EVA1C: variants seen among roughly 807,000 people sequenced by gnomAD.
EVA1C encodes the protein protein eva-1 homolog C.
In EVA1C, 25 loss-of-function variants were observed where a neutral mutation model predicts 45.4. The observed-to-expected ratio is 0.55, with a 90% confidence interval of 0.40 to 0.77. The LOEUF (loss-of-function observed/expected upper bound fraction) is 0.77, where lower values mean the gene tolerates loss of function less well. EVA1C is among the 30% of genes least tolerant of loss of function. EVA1C has a pLI of 0.00. For missense variants in EVA1C, 479 were observed against 554.8 expected (o/e 0.86, Z 1.37); for synonymous variants, 190 against 221.2 (o/e 0.86, Z 1.25).
In EVA1C at chr21:32,495,071, T is replaced by G. The variant is rs62214671; in HGVS notation, c.679T>G (p.Tyr227Asp). ...TTTGCAAGTCCTATCCCGAAGGTGC[T>G]ATGGGAAGCAGAGATGCAAAATCAT... ...SALQVLSRRC[Y>D]GKQRCKIIVN... The change falls in exon 5 of 8, where the codon TAT (tyrosine) becomes GAT (aspartate). Residue 227 changes from tyrosine to aspartate, a missense_variant. Physicochemically the swap from Tyr to Asp is radical, Grantham distance 160. Around this residue, in one of 3 missense-constraint regions of EVA1C, gnomAD observed 366 missense variants for 426.1 expected, o/e 0.86. Coordinates refer to ENST00000300255, the MANE Select transcript of EVA1C (RefSeq NM_058187.5). 20 of 1,614,084 alleles carry G rather than the reference T, an allele frequency of 1.2e-5. No individual in the cohort carries two copies. The highest frequency in any genetic ancestry group is 5.0e-5 in the Admixed American group (3 of 60,004).
chr21:32,494,656 G>A (rs1416725770), intron 4 of EVA1C, among the ~76,000 whole-genome samples: 3 of 152,078 alleles, frequency 2.0e-5, no homozygotes, highest in South Asian at 2.1e-4. Context: ...AGTGGCATGC[G>A]CCTGTAGTCC....
intron 4 of EVA1C, among the ~76,000 whole-genome samples, chr21:32,472,176 T>G (rs377708614): frequency 6.6e-6 from 1 of 152,168 alleles, no homozygotes; most frequent in Non-Finnish European, 1.5e-5. Context: ...TATTTATTTT[T>G]GAGACAGACT....
At chr21:32,427,468 A>G (rs891489577) in intron 1 of EVA1C, among the ~76,000 whole-genome samples, 2 of 151,966 alleles carry the variant, frequency 1.3e-5, no homozygotes, top group Non-Finnish European at 2.9e-5. Context: ...TAATCCCAGC[A>G]CTTTGGGAGG....
At chr21:32,505,541 T>G (rs895604856) in intron 7 of EVA1C, among the ~76,000 whole-genome samples, 1 of 152,220 alleles carries the variant, frequency 6.6e-6, no homozygotes, top group Non-Finnish European at 1.5e-5. Context: ...CCAACTACCT[T>G]GTCCGTTCCT....
chr21:32,479,114 C>A (rs1459505738), intron 4 of EVA1C, among the ~76,000 whole-genome samples: 2 of 152,192 alleles, frequency 1.3e-5, no homozygotes, highest in African/African-American at 4.8e-5. Context: ...GGGTGGAGGG[C>A]AGTTTGCCAG....
chr21:32,484,687 C>T (rs767537912), intron 4 of EVA1C, among the ~76,000 whole-genome samples: 1 of 152,134 alleles, frequency 6.6e-6, no homozygotes, highest in Non-Finnish European at 1.5e-5. Context: ...TTTCTCTGGC[C>T]CCTTTTTCTC....
chr21:32,478,519 C>G (rs889408533), intron 4 of EVA1C, among the ~76,000 whole-genome samples: 2 of 152,216 alleles, frequency 1.3e-5, no homozygotes, highest in Non-Finnish European at 2.9e-5. Context: ...CCGTGCCCAG[C>G]CTGATGTCTA....
At chr21:32,477,232 C>T (rs1013459107) in intron 4 of EVA1C, among the ~76,000 whole-genome samples, 1 of 152,232 alleles carries the variant, frequency 6.6e-6, no homozygotes, top group Admixed American at 6.5e-5. Context: ...CCAGGTTTCT[C>T]TTCAAGGCCC....
rs575226606 is a variant in EVA1C, at chr21:32,477,331, A to G, written c.634+9483A>G. Among the ~76,000 whole-genome samples, 8 of 152,216 alleles carry G rather than the reference A, an allele frequency of 5.3e-5. No homozygotes were observed. The East Asian group carries it at 1.5e-3, about 29-fold the overall frequency. On this transcript the variant is annotated intron_variant, in intron 4 of 7. Coordinates refer to ENST00000300255, the MANE Select transcript of EVA1C (RefSeq NM_058187.5). Reference sequence around the variant, plus strand: ...GCCACCCCCACAGTTTGAGGATTTCATTACCCCGGCAACCCACTTCAAATA... The same window carrying G: ...GCCACCCCCACAGTTTGAGGATTTCGTTACCCCGGCAACCCACTTCAAATA...
rs1208517770 is a variant in EVA1C at position 32,501,437 on chromosome 21, G to A, written c.801G>A (p.Ala267=). Residue 267 remains alanine (A), a synonymous_variant, in exon 6 of 8, where the codon GCG becomes GCA. Transcript: ENST00000300255. ...TAGTTCCCAAGAACATACTCACAGC[G>A]ATTGATCCAGCCATTGCTAATCTAA... The part of the protein sequence containing the change: ...YACVPKNILT[A]IDPAIANLKP... 9 of 1,592,828 alleles carry A rather than the reference G, an allele frequency of 5.7e-6. 1 individual carries two copies. The highest frequency in any genetic ancestry group is 2.2e-5 in the South Asian group (2 of 89,348).
chr21:32,494,504 C>T (rs55781237), intron 4 of EVA1C, among the ~76,000 whole-genome samples: 63,001 of 152,018 alleles, frequency 0.41, 13,453 homozygotes, highest in East Asian at 0.56. Context: ...GAATTTTGAC[C>T]GGGTGCGGTG....
chr21:32,438,496 A>AC (rs1298209337), intron 1 of EVA1C, among the ~76,000 whole-genome samples: 8 of 150,754 alleles, frequency 5.3e-5, no homozygotes, highest in African/African-American at 1.9e-4. Context: ...CAAAAAAAAA[A>AC]AAAAAAAAAA....
intron 4 of EVA1C, 31 bp from the exon 5 acceptor site, chr21:32,494,996 C>G (rs1376485743): frequency 6.2e-7 from 1 of 1,609,958 alleles, no homozygotes; most frequent in Admixed American, 1.7e-5. Context: ...TGGGATGCAA[C>G]CTGAAGTTCT....
intron 1 of EVA1C, among the ~76,000 whole-genome samples, chr21:32,434,889 T>C (rs978840677): frequency 1.3e-5 from 2 of 152,300 alleles, no homozygotes; most frequent in Non-Finnish European, 2.9e-5. Flanking sequence ...TACCTTGTTA[T>C]AGCAGCCCGA....
At chr21:32,436,550 G>A (rs1324309244) in intron 1 of EVA1C, among the ~76,000 whole-genome samples, 1 of 152,296 alleles carries the variant, frequency 6.6e-6, no homozygotes, top group Admixed American at 6.5e-5. Context: ...AGTAGAAAAG[G>A]CTGGGAGAGA....
chr21:32,508,300 C>T (rs2037841170), intron 7 of EVA1C, among the ~76,000 whole-genome samples: 1 of 152,202 alleles, frequency 6.6e-6, no homozygotes, highest in Non-Finnish European at 1.5e-5. Context: ...CCCCTTGGGA[C>T]AGTGACAGAT....
At chr21:32,461,353 C>T (rs2035990985) in intron 3 of EVA1C, among the ~76,000 whole-genome samples, 1 of 152,194 alleles carries the variant, frequency 6.6e-6, no homozygotes, top group Non-Finnish European at 1.5e-5. Context: ...CATAAAGCCC[C>T]TCTGGCTGCC....
At chr21:32,450,260 T>C (rs2035529899) in intron 1 of EVA1C, among the ~76,000 whole-genome samples, 1 of 149,072 alleles carries the variant, frequency 6.7e-6, no homozygotes. Flanking sequence ...GATAATGGTC[T>C]AAACGCAGCA....
chr21:32,487,984 G>A (rs770785571), intron 4 of EVA1C, among the ~76,000 whole-genome samples: 2 of 152,272 alleles, frequency 1.3e-5, no homozygotes, highest in Non-Finnish European at 2.9e-5. Context: ...GAGGGGCTGG[G>A]GGGTAGTCTT....
Sources: allele counts gnomAD v4.1 joint callset (sites outside exome capture counted in the v4.1 genomes callset), GRCh38; gene constraint gnomAD v4.1.1; regional missense constraint gnomAD v4.1.1; transcripts MANE v1.5; gene names NCBI Gene and HGNC (gene_info 2026-07-23, HGNC 2026-07-21).